Variants in TK1 observed in about 807,000 individuals in gnomAD.
TK1 encodes thymidine kinase, cytosolic.
Under a neutral mutation model 22.4 loss-of-function variants are expected in TK1, and 13 were observed. That is an observed-to-expected ratio of 0.58 (90% CI 0.38 to 0.92). The LOEUF (loss-of-function observed/expected upper bound fraction) is 0.92. Among genes scored for constraint, TK1 ranks in the 40% least tolerant of loss-of-function variants. The pLI, the probability that TK1 is intolerant of heterozygous loss-of-function variation, is 0.00. For synonymous variants in TK1, 134 were observed against 125.4 expected (o/e 1.07, Z -0.46); for missense variants, 251 against 315.7 (o/e 0.80, Z 1.55).
intron 4 of TK1, 43 bp from the exon 5 acceptor site, chr17:78,175,661 C>T: frequency 6.4e-7 from 1 of 1,563,070 alleles, no homozygotes; most frequent in Non-Finnish European, 8.8e-7. Context: ...GCTTCCACCC[C>T]AGCAGCAGCT....
intron 4 of TK1, among the ~76,000 whole-genome samples, chr17:78,181,942 AGATGGGGTT>A (rs1215676494): frequency 3.3e-5 from 5 of 150,810 alleles, no homozygotes; most frequent in African/African-American, 1.2e-4. Context: ...TTTTTGGTAG[AGATGGGGTT>A]TTACTATGTT....
intron 2 of TK1, 60 bp from the exon 3 acceptor site, chr17:78,185,225 C>G: frequency 7.5e-7 from 1 of 1,337,448 alleles, no homozygotes; most frequent in Admixed American, 1.8e-5. Flanking sequence ...GAAGGAGACC[C>G]CTCCCCAACA....
chr17:78,182,496 T>C, intron 4 of TK1, 93 bp downstream of exon 4: 1 of 993,952 alleles, frequency 1.0e-6, no homozygotes, highest in Non-Finnish European at 1.4e-6. Flanking sequence ...GTTATTTTAC[T>C]AAAAGATCAG....
chr17:78,175,674 C>T, intron 4 of TK1, 56 bp from the exon 5 acceptor site: 2 of 1,518,574 alleles, frequency 1.3e-6, no homozygotes, highest in Non-Finnish European at 1.8e-6. Flanking sequence ...CAGCAGCTCC[C>T]TGGAGCCCCA....
chr17:78,177,055 AC>A (rs775846951), intron 4 of TK1, among the ~76,000 whole-genome samples: 45 of 151,814 alleles, frequency 3.0e-4, no homozygotes, highest in Non-Finnish European at 5.7e-4. Context: ...CTCTTGACCA[AC>A]CTCAGGCTGA....
chr17:78,182,774 TAC>T, intron 3 of TK1, 92 bp from the exon 4 acceptor site: 1 of 915,814 alleles, frequency 1.1e-6, no homozygotes. Context: ...GACCACCTGC[TAC>T]CTGCAAAGCA....
chr17:78,178,833 C>T (rs181382666), intron 4 of TK1, among the ~76,000 whole-genome samples: 27 of 152,204 alleles, frequency 1.8e-4, no homozygotes, highest in East Asian at 1.2e-3. Context: ...TTAGTAGAGA[C>T]GGAGTTTCTC....
chr17:78,176,340 A>G (rs1400721662), intron 4 of TK1, among the ~76,000 whole-genome samples: 1 of 152,156 alleles, frequency 6.6e-6, no homozygotes, highest in Non-Finnish European at 1.5e-5. Flanking sequence ...GGTTGAGTTC[A>G]TATGTCCAGA....
intron 5 of TK1, 141 bp from the exon 6 acceptor site, chr17:78,175,310 C>T: frequency 7.7e-7 from 1 of 1,296,694 alleles, no homozygotes; most frequent in Non-Finnish European, 1.0e-6. Context: ...GAGCACCATG[C>T]CCGGCTCTGT....
At chr17:78,179,658 C>T (rs1167652800) in intron 4 of TK1, 6 of 985,462 alleles carry the variant, frequency 6.1e-6, no homozygotes, top group African/African-American at 5.2e-5. Flanking sequence ...GGCCCTGTGA[C>T]GTCCGGGCAG....
intron 3 of TK1, among the ~76,000 whole-genome samples, chr17:78,183,236 C>G (rs2075750520): frequency 6.6e-6 from 1 of 152,126 alleles, no homozygotes; most frequent in Non-Finnish European, 1.5e-5. Context: ...TTCCACTGTT[C>G]AGGAGCTGGG....
Position 78,185,036 on chromosome 17 carries a change from G to C in TK1, c.209+19C>G. ...TTGTGATTTTCCACTGGACAGGACT[G>C]CAGGGGGCAGGGACTGACCGGTCAT... On this transcript the variant is annotated intron_variant, in intron 3 of 6. Transcript: ENST00000301634. The C allele has an allele frequency of 6.2e-7, 1 of 1,602,788 alleles. No homozygotes were observed. Among genetic ancestry groups the C allele is most frequent in the Admixed American group, 1.7e-5 (1 of 59,804 alleles).
Position 78,187,009 on chromosome 17 carries a change from G to A in TK1, c.-15C>T, listed in dbSNP as rs1297361366. Reference sequence around the variant, plus strand: ...ATGCAGCTCATTGCGCCTCCGGGAAGTTCACGAACCCGAGTACTCTCCAAG... The same window carrying A: ...ATGCAGCTCATTGCGCCTCCGGGAAATTCACGAACCCGAGTACTCTCCAAG... On this transcript the variant is annotated 5_prime_UTR_variant, in exon 1 of 7. Coordinates refer to ENST00000301634, the MANE Select transcript of TK1 (RefSeq NM_003258.5). 1.9e-6 allele frequency: 3 copies of A among 1,588,380 alleles called. No homozygotes were observed. The highest frequency in any genetic ancestry group is 4.7e-5 in the East Asian group (2 of 42,964).
In TK1 at chr17:78,185,109, A is replaced by T; in HGVS notation, c.155T>A (p.Val52Glu). The T allele has an allele frequency of 6.2e-7, 1 of 1,612,046 alleles. No individual in the cohort carries two copies. The highest frequency in any genetic ancestry group is 8.5e-7 in the Non-Finnish European group (1 of 1,179,602). ...RFQIAQYKCL[V>E]IKYAKDTRYS... Reference sequence around the variant, plus strand: ...GCGAGTGTCTTTGGCATACTTGATCACCAGGCACTTGTACTGAGCAATCTG... The same window carrying T: ...GCGAGTGTCTTTGGCATACTTGATCTCCAGGCACTTGTACTGAGCAATCTG... Residue 52 changes from valine to glutamate, a missense_variant, in exon 3 of 7, where the codon GTG becomes GAG. Physicochemically the swap from Val to Glu is moderately radical, Grantham distance 121. Coordinates refer to ENST00000301634, the MANE Select transcript of TK1 (RefSeq NM_003258.5).
chr17:78,185,120 G>A lies in TK1; in HGVS notation c.144C>T (p.Tyr48=). ...TGGCATACTTGATCACCAGGCACTT[G>A]TACTGAGCAATCTGGAAGCGACGGA... ...RRVRRFQIAQ[Y]KCLVIKYAKD... Residue 48 remains tyrosine (Y), a synonymous_variant, in exon 3 of 7, where the codon TAC becomes TAT. Coordinates refer to ENST00000301634, the MANE Select transcript of TK1 (RefSeq NM_003258.5). 6.2e-7 allele frequency: 1 copy of A among 1,612,094 alleles called. No homozygotes were observed. Among genetic ancestry groups the A allele is most frequent in the Non-Finnish European group, 8.5e-7 (1 of 1,179,596 alleles).
chr17:78,174,885 G>A lies in TK1; in HGVS notation c.579C>T (p.Ala193=), dbSNP rs2145820660. The A allele has an allele frequency of 6.2e-7, 1 of 1,613,950 alleles. No homozygotes were observed. The highest frequency in any genetic ancestry group is 1.1e-5 in the South Asian group (1 of 91,066). ...TGTCCGGCCCGGCAGGCTGGCCTGA[G>A]GCCTTCTTGAAGTAGCAGAGCCGAC... ...SVCRLCYFKK[A]SGQPAGPDNK... The change falls in exon 7 of 7, where the codon GCC becomes GCT. Residue 193 remains alanine, a synonymous_variant. Coordinates refer to ENST00000301634, the MANE Select transcript of TK1 (RefSeq NM_003258.5).
intron 4 of TK1, chr17:78,179,763 C>T: frequency 3.0e-6 from 3 of 985,308 alleles, no homozygotes; most frequent in Non-Finnish European, 3.6e-6. Flanking sequence ...ATTCTTCCTC[C>T]AGGGTATAGA....
At chr17:78,180,671 C>A (rs1174908612) in intron 4 of TK1, among the ~76,000 whole-genome samples, 1 of 152,142 alleles carries the variant, frequency 6.6e-6, no homozygotes, top group Non-Finnish European at 1.5e-5. Flanking sequence ...ATTAGAGCAG[C>A]AGATGTAAAA....
At chr17:78,180,340 T>TTATG (rs1286234609) in intron 4 of TK1, among the ~76,000 whole-genome samples, 1 of 152,240 alleles carries the variant, frequency 6.6e-6, no homozygotes, top group East Asian at 1.9e-4. Flanking sequence ...TAAATTCCTG[T>TTATG]TATGTTTATA....
Sources: gnomAD v4.1 joint callset for allele counts (sites outside exome capture counted in the v4.1 genomes callset) on GRCh38, gnomAD v4.1.1 for gene constraint, MANE v1.5 for transcripts, NCBI Gene and HGNC (gene_info 2026-07-23, HGNC 2026-07-21) for gene names.